The following MYO3B variants were observed in gnomAD, a reference collection of about 807,000 sequenced individuals.
MYO3B encodes myosin-IIIb.
Under a neutral mutation model 174.6 loss-of-function variants are expected in MYO3B, and 156 were observed. That is an observed-to-expected ratio of 0.89 (90% CI 0.78 to 1.02). The LOEUF is 1.02. Ranked by LOEUF, MYO3B falls within the 50% of genes least tolerant of loss-of-function variation. The probability of loss-of-function intolerance (pLI) is 0.00; values close to 1 mark genes in which losing one functional copy is unlikely to be tolerated. For synonymous variants in MYO3B, 563 were observed against 569.1 expected, an observed-to-expected ratio of 0.99 and a Z score of 0.15; for missense variants, 1,632 against 1,639.4, an observed-to-expected ratio of 1.00 and a Z score of 0.08.
chr2:170,601,037 AG>A (rs1694474820), intron 32 of MYO3B, among the ~76,000 whole-genome samples: 3 of 152,312 alleles, frequency 2.0e-5, no homozygotes, highest in Admixed American at 1.3e-4. Flanking sequence ...CATAGACAAA[AG>A]CTTTTTATTA....
In MYO3B at chr2:170,238,040, G is replaced by A. The variant is rs76109776; in HGVS notation, c.749+1904G>A. On this transcript the variant is annotated intron_variant, in intron 7 of 34. Coordinates refer to ENST00000408978, the MANE Select transcript of MYO3B (RefSeq NM_138995.5). Reference sequence around the variant, plus strand: ...TTATTTTAAATCTTAGCATATTTACGTACATTGTACAGCTTTTTTCTTCCC... The same window carrying A: ...TTATTTTAAATCTTAGCATATTTACATACATTGTACAGCTTTTTTCTTCCC... 4.0e-3 allele frequency among the ~76,000 whole-genome samples: 606 copies of A among 152,182 alleles called. 8 individuals carry two copies. Among genetic ancestry groups the A allele is most frequent in the African/African-American group, 0.013 (555 of 41,522 alleles).
chr2:170,631,825 C>CA (rs1477738819), intron 32 of MYO3B, among the ~76,000 whole-genome samples: 1 of 151,456 alleles, frequency 6.6e-6, no homozygotes, highest in African/African-American at 2.4e-5. Flanking sequence ...AAACGGAAAA[C>CA]AAAAAAAGGC....
At chr2:170,337,407 T>C (rs2139133) in intron 8 of MYO3B, among the ~76,000 whole-genome samples, 94,029 of 152,032 alleles carry the variant, frequency 0.62, 29,309 homozygotes, top group East Asian at 0.71. Flanking sequence ...TTCACTAATA[T>C]GCCTTCCCAT....
At chr2:170,477,226 A>C (rs2105999208) in intron 25 of MYO3B, among the ~76,000 whole-genome samples, 1 of 152,234 alleles carries the variant, frequency 6.6e-6, no homozygotes, top group South Asian at 2.1e-4. Context: ...TCACTGATGG[A>C]AAGCCTCTTC....
intron 7 of MYO3B, among the ~76,000 whole-genome samples, chr2:170,264,188 C>T (rs1423713478): frequency 6.6e-6 from 1 of 152,212 alleles, no homozygotes; most frequent in Non-Finnish European, 1.5e-5. Context: ...AATGGAGTCT[C>T]TTATGTCTAC....
At chr2:170,652,876 G>T in intron 34 of MYO3B, 107 bp from the exon 35 acceptor site, 1 of 1,281,614 alleles carries the variant, frequency 7.8e-7, no homozygotes, top group Non-Finnish European at 1.1e-6. Flanking sequence ...CTCCAGTGTT[G>T]GAGCCCAACC....
rs2094125049 is a variant in MYO3B, at chr2:170,356,800, CAA to C, written c.816-12421_816-12420del. On this transcript the variant is annotated intron_variant, in intron 8 of 34. Transcript: ENST00000408978. ...TTATCTTTAAAAAAATGTTTTAAGA[CAA>C]GGTCTCACCCTGTGGCCCAGGCTGG... Among the ~76,000 whole-genome samples, 30 of 151,996 alleles carry C rather than the reference CAA, an allele frequency of 2.0e-4. No individual in the cohort carries two copies. In the South Asian group the frequency reaches 6.0e-3, roughly 30 times the overall value.
At chr2:170,416,673 G>T (rs1467876786) in intron 22 of MYO3B, among the ~76,000 whole-genome samples, 2 of 132,058 alleles carry the variant, frequency 1.5e-5, no homozygotes, top group Non-Finnish European at 3.1e-5. Flanking sequence ...ATCTGTCCCT[G>T]CCTGTATCTC....
At chr2:170,612,947 T>C (rs115313738) in intron 32 of MYO3B, among the ~76,000 whole-genome samples, 497 of 152,234 alleles carry the variant, frequency 3.3e-3, no homozygotes, top group African/African-American at 0.011. Flanking sequence ...TCAGAAGCAA[T>C]CTGTCCCTGG....
intron 1 of MYO3B, chr2:170,180,123 C>T (rs2092379304): frequency 2.4e-6 from 1 of 413,574 alleles, no homozygotes; most frequent in Admixed American, 2.5e-5. Flanking sequence ...GCTCGCTAGG[C>T]TTGACTAACT....
At chr2:170,196,973 C>G (rs1453926906) in intron 1 of MYO3B, among the ~76,000 whole-genome samples, 1 of 151,872 alleles carries the variant, frequency 6.6e-6, no homozygotes, top group Non-Finnish European at 1.5e-5. Context: ...CAGATAACAT[C>G]ACTATTTTTG....
intron 9 of MYO3B, among the ~76,000 whole-genome samples, chr2:170,373,139 G>A (rs1558935473): frequency 6.6e-6 from 1 of 152,298 alleles, no homozygotes; most frequent in East Asian, 1.9e-4. Flanking sequence ...AATTACAAAT[G>A]GCAGAAGATA....
chr2:170,321,372 G>C (rs772480110), intron 7 of MYO3B, among the ~76,000 whole-genome samples: 1 of 151,806 alleles, frequency 6.6e-6, no homozygotes, highest in African/African-American at 2.4e-5. Context: ...GAGCTTTTTC[G>C]GGACAAAAAT....
intron 30 of MYO3B, among the ~76,000 whole-genome samples, chr2:170,533,472 A>C (rs1689486871): frequency 1.3e-5 from 2 of 151,964 alleles, no homozygotes; most frequent in Non-Finnish European, 1.5e-5. Flanking sequence ...CAGTTACAGC[A>C]TGAAAAGGGT....
chr2:170,485,211 A>G (rs928412206), intron 25 of MYO3B, among the ~76,000 whole-genome samples: 3 of 152,148 alleles, frequency 2.0e-5, no homozygotes, highest in African/African-American at 7.2e-5. Flanking sequence ...TTTTTACCCA[A>G]TGTTTGAAGT....
intron 32 of MYO3B, among the ~76,000 whole-genome samples, chr2:170,588,725 G>A (rs1693643820): frequency 6.6e-6 from 1 of 152,154 alleles, no homozygotes; most frequent in Non-Finnish European, 1.5e-5. Flanking sequence ...AAGGTCTACT[G>A]CCTGAAGAGG....
intron 7 of MYO3B, among the ~76,000 whole-genome samples, chr2:170,236,507 C>T (rs1035159082): frequency 2.0e-5 from 3 of 152,150 alleles, no homozygotes; most frequent in African/African-American, 7.2e-5. Flanking sequence ...TCAGTGAAAA[C>T]ATATGTATAT....
chr2:170,226,509 G>A (rs544124097), intron 6 of MYO3B, among the ~76,000 whole-genome samples: 1 of 152,338 alleles, frequency 6.6e-6, no homozygotes, highest in South Asian at 2.1e-4. Flanking sequence ...GGTGCAAGGG[G>A]TGGAAATGAC....
chr2:170,492,852 C>G (rs1439075818), intron 25 of MYO3B, among the ~76,000 whole-genome samples: 1 of 152,174 alleles, frequency 6.6e-6, no homozygotes, highest in African/African-American at 2.4e-5. Flanking sequence ...TGAGTAGAAC[C>G]AGAGCAAAGA....
Sources: gnomAD v4.1 joint callset for allele counts (sites outside exome capture counted in the v4.1 genomes callset) on GRCh38, gnomAD v4.1.1 for gene constraint, MANE v1.5 for transcripts, NCBI Gene and HGNC (gene_info 2026-07-23, HGNC 2026-07-21) for gene names.